Variants in NRG1 observed in about 807,000 individuals in gnomAD.
The protein encoded by NRG1 is pro-neuregulin-1, membrane-bound isoform.
Under a neutral mutation model 63.8 loss-of-function variants are expected in NRG1, and 18 were observed. The observed-to-expected ratio is 0.28, with a 90% CI of 0.19 to 0.42. The LOEUF (loss-of-function observed/expected upper bound fraction) is 0.42, where lower values mean the gene tolerates loss of function less well. NRG1 is among the 10% of genes least tolerant of loss of function. The pLI is 1.00. For missense variants in NRG1, 762 were observed against 814.7 expected, an observed-to-expected ratio of 0.94 and a Z score of 0.79; for synonymous variants, 302 against 301.3, an observed-to-expected ratio of 1.00 and a Z score of -0.02.
At chr8:32,305,732 T>G (rs1856120460) in intron 1 of NRG1, among the ~76,000 whole-genome samples, 1 of 152,238 alleles carries the variant, frequency 6.6e-6, no homozygotes, top group Admixed American at 6.5e-5. Context: ...ACTTGCTGAT[T>G]CTTTAAATAC....
intron 1 of NRG1, among the ~76,000 whole-genome samples, chr8:32,097,173 A>T (rs1830006627): frequency 6.6e-6 from 1 of 152,136 alleles, no homozygotes; most frequent in Non-Finnish European, 1.5e-5. Flanking sequence ...AAATGACAGG[A>T]TTTCATTCTT....
intron 1 of NRG1, among the ~76,000 whole-genome samples, chr8:32,275,346 A>G (rs914695086): frequency 6.6e-6 from 1 of 152,130 alleles, no homozygotes; most frequent in African/African-American, 2.4e-5. Context: ...ACCTGGAGAC[A>G]GACGGTAAGA....
At chr8:31,931,024 A>G (rs963355010) in intron 1 of NRG1, among the ~76,000 whole-genome samples, 19 of 152,154 alleles carry the variant, frequency 1.2e-4, no homozygotes, top group African/African-American at 4.1e-4. Context: ...ATAAATGCTC[A>G]TCAATGTTGT....
At chr8:31,847,728 T>G (rs758741882) in intron 1 of NRG1, among the ~76,000 whole-genome samples, 25 of 152,254 alleles carry the variant, frequency 1.6e-4, no homozygotes, top group Non-Finnish European at 3.7e-4. Flanking sequence ...GTGGCACCAC[T>G]TGAGTTGGGC....
At chr8:31,693,962 C>A (rs574458225) in intron 1 of NRG1, among the ~76,000 whole-genome samples, 1 of 152,064 alleles carries the variant, frequency 6.6e-6, no homozygotes, top group East Asian at 1.9e-4. Context: ...CTTAGACTCT[C>A]GAGTAGGTGG....
intron 1 of NRG1, among the ~76,000 whole-genome samples, chr8:32,173,268 T>C (rs1025650703): frequency 3.9e-5 from 6 of 151,992 alleles, no homozygotes; most frequent in African/African-American, 7.2e-5. Context: ...AGAAATAAAA[T>C]CCTTTACAGA....
At chr8:31,878,557 C>G (rs111300558) in intron 1 of NRG1, among the ~76,000 whole-genome samples, 3 of 152,166 alleles carry the variant, frequency 2.0e-5, no homozygotes, top group Non-Finnish European at 4.4e-5. Context: ...AATATCGCCA[C>G]AAACTGAGTG....
intron 1 of NRG1, among the ~76,000 whole-genome samples, chr8:32,508,585 C>A (rs1828819214): frequency 6.6e-6 from 1 of 152,126 alleles, no homozygotes; most frequent in Non-Finnish European, 1.5e-5. Context: ...GCGTGAGCCA[C>A]CGCGCCTGGC....
At chr8:32,400,489 C>T (rs184954824) in intron 1 of NRG1, among the ~76,000 whole-genome samples, 2 of 152,266 alleles carry the variant, frequency 1.3e-5, no homozygotes, top group South Asian at 2.1e-4. Flanking sequence ...GCAAACGACA[C>T]GAACAGACAC....
intron 1 of NRG1, among the ~76,000 whole-genome samples, chr8:31,768,108 T>G (rs1173652810): frequency 6.6e-6 from 1 of 152,088 alleles, no homozygotes; most frequent in African/African-American, 2.4e-5. Context: ...ACATCAGAGA[T>G]TCAAAGAAGT....
chr8:32,288,827 GA>G (rs1853853338), intron 1 of NRG1, among the ~76,000 whole-genome samples: 1 of 152,286 alleles, frequency 6.6e-6, no homozygotes, highest in African/African-American at 2.4e-5. Flanking sequence ...CTAGCAGGAG[GA>G]AAATGTGACT....
At chr8:32,520,944 T>C (rs1421206387) in intron 1 of NRG1, among the ~76,000 whole-genome samples, 1 of 152,186 alleles carries the variant, frequency 6.6e-6, no homozygotes, top group Non-Finnish European at 1.5e-5. Context: ...ACTGTCACAA[T>C]GTAGCAGTGC....
intron 1 of NRG1, among the ~76,000 whole-genome samples, chr8:32,436,199 A>AAAG (rs1818764881): frequency 6.6e-6 from 1 of 152,182 alleles, no homozygotes; most frequent in South Asian, 2.1e-4. Flanking sequence ...GAGCAAAGCA[A>AAAG]AAGGGAAAAC....
intron 1 of NRG1, among the ~76,000 whole-genome samples, chr8:32,167,227 G>A (rs1034113718): frequency 1.3e-5 from 2 of 152,166 alleles, no homozygotes; most frequent in Admixed American, 6.5e-5. Flanking sequence ...TAAAATGGCA[G>A]CCCCTACCCC....
At chr8:32,688,260 C>T (rs977850328) in intron 5 of NRG1, among the ~76,000 whole-genome samples, 2 of 152,140 alleles carry the variant, frequency 1.3e-5, no homozygotes, top group African/African-American at 4.8e-5. Context: ...CTTCAGTGCT[C>T]TTTATACTTT....
At chr8:32,245,506 T>A (rs1446987416) in intron 1 of NRG1, among the ~76,000 whole-genome samples, 3 of 152,150 alleles carry the variant, frequency 2.0e-5, no homozygotes, top group South Asian at 4.1e-4. Context: ...TGCATATGTA[T>A]CAGTTACCTG....
At chr8:32,185,432 C>A (rs564084149) in intron 1 of NRG1, among the ~76,000 whole-genome samples, 12 of 152,270 alleles carry the variant, frequency 7.9e-5, no homozygotes, top group South Asian at 4.1e-4. Context: ...TTGCCTCTGT[C>A]TCAAACTAGG....
intron 5 of NRG1, among the ~76,000 whole-genome samples, chr8:32,664,065 AT>A (rs553101855): frequency 1.3e-5 from 2 of 152,246 alleles, no homozygotes; most frequent in African/African-American, 4.8e-5. Flanking sequence ...TATATTATGA[AT>A]TAGGTTTTAA....
chr8:32,233,124 C>T (rs1847131674), intron 1 of NRG1, among the ~76,000 whole-genome samples: 1 of 152,074 alleles, frequency 6.6e-6, no homozygotes, highest in African/African-American at 2.4e-5. Flanking sequence ...ATTTTGGAGA[C>T]AGGGTCTCAC....
Sources: gnomAD v4.1 joint callset for allele counts (sites outside exome capture counted in the v4.1 genomes callset) on GRCh38, gnomAD v4.1.1 for gene constraint, MANE v1.5 for transcripts, NCBI Gene and HGNC (gene_info 2026-07-23, HGNC 2026-07-21) for gene names.